The following OOSP2 variants were observed in gnomAD, a reference collection of about 807,000 sequenced individuals.
OOSP2 encodes oocyte secreted protein 2.
In OOSP2, 7 loss-of-function variants were observed where a neutral mutation model predicts 13.4. That is an observed-to-expected ratio of 0.52 (90% confidence interval 0.30 to 0.98). The LOEUF (loss-of-function observed/expected upper bound fraction) is 0.98, where lower values mean the gene tolerates loss of function less well. OOSP2 is among the 50% of genes least tolerant of loss of function. OOSP2 has a pLI of 0.07. For synonymous variants in OOSP2, 75 were observed against 67.2 expected (o/e 1.12, Z -0.57); for missense variants, 184 against 188.5 (o/e 0.98, Z 0.14).
chr11:60,043,129 C>A (rs1854959108), intron 1 of OOSP2, among the ~76,000 whole-genome samples: 1 of 152,124 alleles, frequency 6.6e-6, no homozygotes, highest in African/African-American at 2.4e-5. Flanking sequence ...CGGTCTCGAT[C>A]TCCTGACCTT....
intron 2 of OOSP2, 22 bp downstream of exon 2, chr11:60,043,669 A>G (rs1175727189): frequency 7.3e-7 from 1 of 1,371,856 alleles, no homozygotes; most frequent in South Asian, 1.4e-5. Flanking sequence ...GATTGTTTGT[A>G]AAAAATACTG....
At chr11:60,043,704 T>C in intron 2 of OOSP2, 57 bp downstream of exon 2, 1 of 969,584 alleles carries the variant, frequency 1.0e-6, no homozygotes, top group Admixed American at 2.0e-5. Context: ...CTTTTATGCC[T>C]AGTATTAAAA....
intron 1 of OOSP2, among the ~76,000 whole-genome samples, chr11:60,042,144 C>T (rs1854942860): frequency 6.6e-6 from 1 of 152,100 alleles, no homozygotes; most frequent in African/African-American, 2.4e-5. Context: ...AAAAACCCCC[C>T]CAAAACTCGA....
Position 60,040,418 on chromosome 11 carries a change from T to G in OOSP2, c.-42T>G. 1.3e-5 allele frequency: 15 copies of G among 1,190,858 alleles called. No individual in the cohort carries two copies. Among genetic ancestry groups the G allele is most frequent in the Non-Finnish European group, 1.9e-5 (15 of 793,076 alleles). 73.8% of individuals were successfully genotyped at this position (1,190,858 alleles called of 1,614,324 possible). A position where few individuals can be genotyped will look rare whatever the true frequency, so the allele number is the denominator to read the frequency against. On this transcript the variant is annotated 5_prime_UTR_variant, in exon 1 of 4. Coordinates refer to ENST00000278855, the MANE Select transcript of OOSP2 (RefSeq NM_173801.5). ...AAACCAGTCGCCACTCCTTGTTTCC[T>G]GAGTTGTCCTGTGCTGGAGGTCTGC...
At chr11:60,046,391 T>C (rs1352167042) in intron 3 of OOSP2, among the ~76,000 whole-genome samples, 5 of 152,146 alleles carry the variant, frequency 3.3e-5, no homozygotes, top group Non-Finnish European at 5.9e-5. Context: ...TCATGATAAA[T>C]AGATATTCCT....
intron 1 of OOSP2, among the ~76,000 whole-genome samples, chr11:60,043,196 GC>G (rs1854960325): frequency 6.6e-6 from 1 of 152,140 alleles, no homozygotes; most frequent in African/African-American, 2.4e-5. Context: ...CAGCCACTGC[GC>G]CCGGCCCATT....
chr11:60,043,584 T>G lies in OOSP2; in HGVS notation c.180T>G (p.Asn60Lys). Residue 60 changes from asparagine (N) to lysine (K), a missense_variant, in exon 2 of 4, where the codon AAT becomes AAG. Physicochemically the swap from Asn to Lys is moderately conservative, Grantham distance 94. Transcript: ENST00000278855. ...ELHLGMGCPA[N>K]RIHTYVYEFI... The stretch of plus-strand genomic sequence containing the variant: ...ATCTGGGAATGGGCTGCCCTGCAAA[T>G]CGGATACATACATATGTATATGAGT... The G allele has an allele frequency of 6.2e-7, 1 of 1,609,790 alleles. No homozygotes were observed. The highest frequency in any genetic ancestry group is 8.5e-7 in the Non-Finnish European group (1 of 1,176,066).
intron 3 of OOSP2, among the ~76,000 whole-genome samples, chr11:60,046,425 G>T (rs927482908): frequency 2.0e-5 from 3 of 149,324 alleles, no homozygotes; most frequent in Non-Finnish European, 4.4e-5. Flanking sequence ...CTACTATGTT[G>T]CTTGAAGCCT....
rs1855027834 is a variant in OOSP2, at chr11:60,047,945, T to C, written c.*872T>C. The C allele has an allele frequency of 6.6e-6, 1 of 152,188 alleles. No homozygotes were observed. Among genetic ancestry groups the C allele is most frequent in the Non-Finnish European group, 1.5e-5 (1 of 68,002 alleles). The allele number at this position is 152,188 out of a possible 1,614,324, so 9.4% of individuals were successfully genotyped here. A position where few individuals can be genotyped will look rare whatever the true frequency, so the allele number is the denominator to read the frequency against. On this transcript the variant is annotated 3_prime_UTR_variant, in exon 4 of 4. Coordinates refer to ENST00000278855, the MANE Select transcript of OOSP2 (RefSeq NM_173801.5). ...ATTGGCTATTCAATAGCTTATTGAA[T>C]GTATGTTTTGGATGCCACATCCTCC...
chr11:60,044,542 C>T, intron 2 of OOSP2, 129 bp from the exon 3 acceptor site: 1 of 484,454 alleles, frequency 2.1e-6, no homozygotes, highest in Non-Finnish European at 3.7e-6. Flanking sequence ...GTTGTCATAT[C>T]TTTATTTATA....
chr11:60,040,465 G>A lies in OOSP2; in HGVS notation c.6G>A (p.Ala2=), dbSNP rs370206876. 4.7e-5 allele frequency: 75 copies of A among 1,592,730 alleles called. No individual in the cohort carries two copies. In the African/African-American group the frequency reaches 7.6e-4, roughly 16 times the overall value. ...CTGCTCAGACGAAGGTCTCCATGGC[G>A]TTAGAAGTCTTGATGCTCCTCGCTG... M[A]LEVLMLLAVL... Residue 2 remains alanine, a synonymous_variant, in exon 1 of 4, where the codon GCG becomes GCA. Transcript: ENST00000278855.
rs1854987931 is a variant in OOSP2, at chr11:60,044,758, G to C, written c.331G>C (p.Glu111Gln). The C allele has an allele frequency of 6.4e-7, 1 of 1,558,566 alleles. No homozygotes were observed. The highest frequency in any genetic ancestry group is 1.4e-5 in the African/African-American group (1 of 73,874). ...TCATGACCCTCAGGAAATCCATTTGGAGTGTTCCACCTCTAGGTAAGTCCA... is the reference window on the plus strand; with the variant it reads ...TCATGACCCTCAGGAAATCCATTTGCAGTGTTCCACCTCTAGGTAAGTCCA... ...IDHDPQEIHLECSTSRKSVWL... is the reference protein window; with the variant it reads ...IDHDPQEIHLQCSTSRKSVWL... The change falls in exon 3 of 4, where the codon GAG becomes CAG. Residue 111 changes from glutamate (E) to glutamine (Q), a missense_variant. Transcript: ENST00000278855.
Position 60,046,932 on chromosome 11 carries a change from C to A in OOSP2, c.348-12C>A. On this transcript the variant is annotated splice_polypyrimidine_tract_variant and intron_variant, in intron 3 of 3. Transcript: ENST00000278855. ...TCCAACACTATCTGCTTTCTGTTTC[C>A]CTTTTCTTTAGGAAATCAGTGTGGC... 6.2e-7 allele frequency: 1 copy of A among 1,607,244 alleles called. No homozygotes were observed. Among genetic ancestry groups the A allele is most frequent in the South Asian group, 1.1e-5 (1 of 90,126 alleles).
In OOSP2 at chr11:60,041,850, C is replaced by CAAAAAAAAAAAAAAAAAAAAA. The variant is rs571172974; in HGVS notation, c.64+1347_64+1348insAAAAAAAAAAAAAAAAAAAAA. On this transcript the variant is annotated intron_variant, in intron 1 of 3. Transcript: ENST00000278855. Reference sequence around the variant, plus strand: ...TGGGTGACAGAGCGAGACTCTGTCTCAAAAAAAAAAAAAAAAAAAAGCAAA... The same window carrying CAAAAAAAAAAAAAAAAAAAAA: ...TGGGTGACAGAGCGAGACTCTGTCTCAAAAAAAAAAAAAAAAAAAAAAAAAAAAAAAAAAAAAAAAAGCAAA... Among the ~76,000 whole-genome samples, 5 of 36,438 alleles carry CAAAAAAAAAAAAAAAAAAAAA rather than the reference C, an allele frequency of 1.4e-4. 1 individual carries two copies. Among genetic ancestry groups the CAAAAAAAAAAAAAAAAAAAAA allele is most frequent in the African/African-American group, 5.8e-4 (5 of 8,590 alleles). 23.9% of individuals were successfully genotyped at this position (36,438 alleles called of 152,430 possible). A position where few individuals can be genotyped will look rare whatever the true frequency, so the allele number is the denominator to read the frequency against.
At position 60,043,512 on chromosome 11, in the gene OOSP2, C is replaced by A; in HGVS notation, c.108C>A (p.Ile36=). ...TGGACTGGTTGATGGTCTCAGTTAT[C>A]CCAGTTGCAGAAAGCAGAAATCTGT... ...CSLDWLMVSV[I]PVAESRNLYI... The change falls in exon 2 of 4, where the codon ATC becomes ATA. Residue 36 remains isoleucine, a synonymous_variant. Transcript: ENST00000278855. 1 of 1,613,294 alleles carries A rather than the reference C, an allele frequency of 6.2e-7. No individual in the cohort carries two copies. Among genetic ancestry groups the A allele is most frequent in the Non-Finnish European group, 8.5e-7 (1 of 1,179,280 alleles).
At chr11:60,046,113 G>C (rs1855004886) in intron 3 of OOSP2, among the ~76,000 whole-genome samples, 1 of 148,630 alleles carries the variant, frequency 6.7e-6, no homozygotes, top group African/African-American at 2.5e-5. Flanking sequence ...TGTCTCTCTG[G>C]TCTGTCCCTG....
At chr11:60,041,158 G>A (rs879844888) in intron 1 of OOSP2, among the ~76,000 whole-genome samples, 12 of 152,066 alleles carry the variant, frequency 7.9e-5, no homozygotes, top group Admixed American at 3.3e-4. Context: ...TACTTTTTAT[G>A]TTCTTTATGG....
chr11:60,044,668 T>G lies in OOSP2; in HGVS notation c.244-3T>G. On this transcript the variant is annotated splice_region_variant and splice_polypyrimidine_tract_variant and intron_variant, in intron 2 of 3. Coordinates refer to ENST00000278855, the MANE Select transcript of OOSP2 (RefSeq NM_173801.5). Reference sequence around the variant, plus strand: ...CTTCCACTGAAACTTCATGCTCTCCTAGGTAGTTTCTGAGGAAACTCTCCT... The same window carrying G: ...CTTCCACTGAAACTTCATGCTCTCCGAGGTAGTTTCTGAGGAAACTCTCCT... 7.1e-7 allele frequency: 1 copy of G among 1,400,314 alleles called. No homozygotes were observed. The highest frequency in any genetic ancestry group is 1.0e-6 in the Non-Finnish European group (1 of 986,432). 86.7% of individuals were successfully genotyped at this position (1,400,314 alleles called of 1,614,324 possible).
At chr11:60,044,437 G>A (rs555523881) in intron 2 of OOSP2, among the ~76,000 whole-genome samples, 5 of 152,210 alleles carry the variant, frequency 3.3e-5, no homozygotes, top group South Asian at 2.1e-4. Flanking sequence ...GGCTGTAAGC[G>A]GCAGTTTAAA....
Sources: gnomAD v4.1 joint callset for allele counts (sites outside exome capture counted in the v4.1 genomes callset) on GRCh38, gnomAD v4.1.1 for gene constraint, MANE v1.5 for transcripts, NCBI Gene and HGNC (gene_info 2026-07-23, HGNC 2026-07-21) for gene names.